Variants in MZT2A observed in about 807,000 individuals in gnomAD.
The protein encoded by MZT2A is mitotic-spindle organizing protein 2A.
Under a neutral mutation model 12.4 loss-of-function variants are expected in MZT2A, and 8 were observed. The observed-to-expected ratio is 0.64, with a 90% CI of 0.38 to 1.16. MZT2A has a LOEUF of 1.16. Among genes scored for constraint, MZT2A ranks in the 50% most tolerant of loss-of-function variants. The pLI, the probability that MZT2A is intolerant of heterozygous loss-of-function variation, is 0.01. For synonymous variants in MZT2A, 88 were observed against 107.5 expected, an observed-to-expected ratio of 0.82 and a Z score of 1.12; for missense variants, 181 against 223.6, an observed-to-expected ratio of 0.81 and a Z score of 1.22.
rs188187454 is a variant in MZT2A at position 131,491,167 on chromosome 2, C to G, written c.319+709G>C. ...AGCCATCGGGAGCAGAAGCAACATG[C>G]GGAGAGGATGAGCAGGGACGGAGGC... is the stretch of plus-strand genomic sequence containing the variant. On this transcript the variant is annotated intron_variant, in intron 2 of 2. Transcript: ENST00000309451. 667 of 535,554 alleles carry G rather than the reference C, an allele frequency of 1.2e-3. 5 individuals carry two copies. Among genetic ancestry groups the G allele is most frequent in the African/African-American group, 0.012 (622 of 52,572 alleles). 33.2% of individuals were successfully genotyped at this position (535,554 alleles called of 1,614,324 possible).
chr2:131,492,404 C>T (rs564839537), upstream of MZT2A: 74 of 1,228,124 alleles, frequency 6.0e-5, 2 homozygotes, highest in South Asian at 6.5e-4. Flanking sequence ...AGGTGCGCCC[C>T]GCCCCGCCGC....
At position 131,492,246 on chromosome 2, in the gene MZT2A, G is replaced by A; in HGVS notation, c.131C>T (p.Ala44Val). 6.3e-7 allele frequency: 1 copy of A among 1,586,390 alleles called. No homozygotes were observed. ...GTCGATACCGCCGCCCGCCGCCTGA[G>A]CCAGCTCGTACAGCTCCATCTCCTC... ...STEEMELYEL[A>V]QAAGGGIDPD... Residue 44 changes from alanine (A) to valine (V), a missense_variant, in exon 1 of 3, where the codon GCT (alanine) becomes GTT (valine). By Grantham distance (64) the Ala-to-Val change is moderately conservative. This residue lies in a region of MZT2A where 106 missense variants were observed against 127.2 expected (regional missense o/e 0.83). Coordinates refer to ENST00000309451, the MANE Select transcript of MZT2A (RefSeq NM_001085365.2).
At chr2:131,477,577 A>C (rs1200148420) in intron 2 of MZT2A, among the ~76,000 whole-genome samples, 1 of 150,810 alleles carries the variant, frequency 6.6e-6, no homozygotes, top group African/African-American at 2.5e-5. Context: ...CCAGCCCCCC[A>C]GTATCCCACT....
intron 2 of MZT2A, among the ~76,000 whole-genome samples, chr2:131,489,125 G>A (rs1454852000): frequency 1.3e-5 from 2 of 152,138 alleles, no homozygotes; most frequent in Non-Finnish European, 2.9e-5. Context: ...TCCACCCTGT[G>A]TAACCCTTGC....
upstream of MZT2A, chr2:131,493,174 C>T (rs1350863881): frequency 7.0e-7 from 1 of 1,428,460 alleles, no homozygotes; most frequent in Non-Finnish European, 9.1e-7. Flanking sequence ...TGAGACGGTC[C>T]GACGCCCTGG....
chr2:131,490,108 C>G, intron 2 of MZT2A: 1 of 727,536 alleles, frequency 1.4e-6, no homozygotes, highest in African/African-American at 1.9e-5. Flanking sequence ...GTGAGGTGGC[C>G]GCTGTCAGGA....
intron 2 of MZT2A, chr2:131,476,120 G>T (rs1234334777): frequency 2.5e-6 from 4 of 1,610,218 alleles, no homozygotes; most frequent in Non-Finnish European, 3.4e-6. Flanking sequence ...ACAGGCAGGA[G>T]GTTGCAGTTG....
chr2:131,481,735 T>A (rs1405320295), downstream of MZT2A, among the ~76,000 whole-genome samples: 4 of 152,048 alleles, frequency 2.6e-5, no homozygotes, highest in African/African-American at 4.8e-5. Context: ...ACCCAGCTAA[T>A]ATTTGTATTT....
chr2:131,489,801 G>T, intron 2 of MZT2A: 5 of 905,372 alleles, frequency 5.5e-6, no homozygotes, highest in Non-Finnish European at 6.6e-6. Context: ...GTGTGAGCCA[G>T]CACACTGGTC....
chr2:131,489,743 G>T, intron 2 of MZT2A: 1 of 454,438 alleles, frequency 2.2e-6, no homozygotes, highest in Non-Finnish European at 2.9e-6. Flanking sequence ...GAACTCCTGA[G>T]CTCAAGGAAT....
chr2:131,482,943 T>A (rs1376423977), downstream of MZT2A: 10 of 1,537,484 alleles, frequency 6.5e-6, no homozygotes, highest in Middle Eastern at 2.2e-4. Flanking sequence ...AAGCCCTCTG[T>A]GTGTCGTGCA....
downstream of MZT2A, among the ~76,000 whole-genome samples, chr2:131,483,736 AC>A (rs199569741): frequency 0.17 from 25,788 of 151,498 alleles, 4,010 homozygotes; most frequent in African/African-American, 0.41. Context: ...AAACAAACAA[AC>A]AAAAAACCTC....
upstream of MZT2A, chr2:131,492,865 T>G: frequency 6.7e-7 from 1 of 1,491,900 alleles, no homozygotes; most frequent in Non-Finnish European, 9.0e-7. Flanking sequence ...GAGCCCTACC[T>G]TGGGGCGCCA....
At chr2:131,477,524 A>C (rs1031004242) in intron 2 of MZT2A, among the ~76,000 whole-genome samples, 2 of 151,116 alleles carry the variant, frequency 1.3e-5, no homozygotes, top group African/African-American at 4.9e-5. Flanking sequence ...ACAGCAGTTG[A>C]GCAGGAAGGG....
At chr2:131,480,349 T>C (rs751163496), downstream of MZT2A, 12 of 1,611,216 alleles carry the variant, frequency 7.4e-6, no homozygotes, top group East Asian at 2.2e-5. Flanking sequence ...AACCTGGACA[T>C]TGAACGTCCC....
intron 2 of MZT2A, among the ~76,000 whole-genome samples, chr2:131,474,638 G>A (rs183938532): frequency 6.0e-4 from 91 of 150,650 alleles, no homozygotes; most frequent in African/African-American, 2.0e-3. Context: ...TTGAACTCCT[G>A]ACCTCAAGTG....
At chr2:131,490,154 C>A in intron 2 of MZT2A, 1 of 687,544 alleles carries the variant, frequency 1.5e-6, no homozygotes, top group Non-Finnish European at 1.8e-6. Flanking sequence ...GACCCCTGGG[C>A]TCTCACAGGC....
chr2:131,492,162 T>G (rs1679346539), intron 1 of MZT2A, 45 bp downstream of exon 1: 1 of 1,534,936 alleles, frequency 6.5e-7, no homozygotes, highest in Admixed American at 2.0e-5. Flanking sequence ...AGAGCAGAGG[T>G]CGGGGGTGTC....
chr2:131,479,972 T>A, downstream of MZT2A: 2 of 1,447,474 alleles, frequency 1.4e-6, no homozygotes, highest in Admixed American at 2.4e-5. Context: ...TGAATCCATA[T>A]CAACTCTTTA....
Sources: allele counts gnomAD v4.1 joint callset (sites outside exome capture counted in the v4.1 genomes callset), GRCh38; gene constraint gnomAD v4.1.1; regional missense constraint gnomAD v4.1.1; transcripts MANE v1.5; gene names NCBI Gene and HGNC (gene_info 2026-07-23, HGNC 2026-07-21).